Variants in LNX2 observed in about 807,000 individuals in gnomAD.
LNX2 encodes the protein ligand of numb-protein X 2, also known as ligand of Numb protein X 2.
LNX2 carries 35 observed loss-of-function variants against 66.2 expected under a neutral mutation model. The observed-to-expected ratio is 0.53, with a 90% CI of 0.40 to 0.70. The LOEUF is 0.70. LNX2 is among the 30% of genes least tolerant of loss of function. The probability of loss-of-function intolerance (pLI) is 0.00; values close to 1 mark genes in which losing one functional copy is unlikely to be tolerated. For synonymous variants in LNX2, 337 were observed against 315.6 expected, an observed-to-expected ratio of 1.07 and a Z score of -0.72; for missense variants, 791 against 850.8, an observed-to-expected ratio of 0.93 and a Z score of 0.87.
At chr13:27,554,157 C>T (rs551048044) in intron 7 of LNX2, among the ~76,000 whole-genome samples, 1 of 152,230 alleles carries the variant, frequency 6.6e-6, no homozygotes, top group African/African-American at 2.4e-5. Context: ...ATTATTAAAG[C>T]AAATCATTCT....
chr13:27,567,953 A>G (rs1955227061), intron 3 of LNX2, 114 bp from the exon 4 acceptor site: 1 of 820,116 alleles, frequency 1.2e-6, no homozygotes, highest in Admixed American at 2.1e-5. Context: ...CATGATTAAC[A>G]GCTAAGCAGT....
At chr13:27,576,878 ATT>A (rs780731270) in intron 2 of LNX2, among the ~76,000 whole-genome samples, 10 of 152,218 alleles carry the variant, frequency 6.6e-5, no homozygotes, top group Middle Eastern at 3.2e-3. Context: ...GTACATGTAA[ATT>A]TTTGTGACCT....
chr13:27,563,994 AT>A (rs1228902064), intron 4 of LNX2, among the ~76,000 whole-genome samples: 1 of 152,218 alleles, frequency 6.6e-6, no homozygotes, highest in Non-Finnish European at 1.5e-5. Flanking sequence ...GTTCTATTAT[AT>A]TTAGAAAGCA....
intron 2 of LNX2, among the ~76,000 whole-genome samples, chr13:27,569,477 TA>T (rs1228839053): frequency 5.3e-5 from 8 of 152,196 alleles, no homozygotes; most frequent in African/African-American, 1.9e-4. Context: ...ACAGAAGGAT[TA>T]GCATGAACAA....
At chr13:27,598,662 A>C (rs2138444912) in intron 1 of LNX2, among the ~76,000 whole-genome samples, 2 of 152,240 alleles carry the variant, frequency 1.3e-5, no homozygotes, top group South Asian at 4.1e-4. Context: ...CCAAGACCTA[A>C]AGCTAGTGAG....
At chr13:27,602,290 A>T (rs625437) in intron 1 of LNX2, among the ~76,000 whole-genome samples, 90,779 of 151,984 alleles carry the variant, frequency 0.6, 28,942 homozygotes, top group African/African-American at 0.83. Flanking sequence ...TGCTAAATGC[A>T]TACAACTATG....
intron 5 of LNX2, among the ~76,000 whole-genome samples, chr13:27,562,005 T>C (rs1357884647): frequency 1.3e-5 from 2 of 152,234 alleles, no homozygotes; most frequent in African/African-American, 4.8e-5. Flanking sequence ...ATTCTTCCTC[T>C]ATTTATATAG....
At chr13:27,569,329 A>G in intron 2 of LNX2, 53 bp from the exon 3 acceptor site, 2 of 1,571,556 alleles carry the variant, frequency 1.3e-6, no homozygotes, top group Non-Finnish European at 1.7e-6. Flanking sequence ...CAAACAAACA[A>G]ATAAAATAGG....
At chr13:27,574,065 T>C (rs1258648886) in intron 2 of LNX2, among the ~76,000 whole-genome samples, 1 of 151,830 alleles carries the variant, frequency 6.6e-6, no homozygotes, top group East Asian at 1.9e-4. Context: ...TAAAGAAAAA[T>C]ATGAGAATGA....
intron 7 of LNX2, among the ~76,000 whole-genome samples, chr13:27,554,099 C>T (rs1955033471): frequency 6.6e-6 from 1 of 152,192 alleles, no homozygotes; most frequent in Non-Finnish European, 1.5e-5. Context: ...ATTTGTGCTA[C>T]AAAGTCTACA....
intron 1 of LNX2, among the ~76,000 whole-genome samples, chr13:27,614,611 T>C (rs8002540): frequency 0.042 from 6,351 of 152,232 alleles, 167 homozygotes; most frequent in East Asian, 0.11. Context: ...TCTTTCTCTA[T>C]TGCAATTCCC....
chr13:27,601,018 C>T (rs965541499), intron 1 of LNX2, among the ~76,000 whole-genome samples: 2 of 152,182 alleles, frequency 1.3e-5, no homozygotes, highest in African/African-American at 4.8e-5. Context: ...TCAAACAACC[C>T]GGAAGAGTCT....
At chr13:27,576,845 C>T (rs555462844) in intron 2 of LNX2, among the ~76,000 whole-genome samples, 7 of 152,038 alleles carry the variant, frequency 4.6e-5, no homozygotes, top group Admixed American at 3.9e-4. Flanking sequence ...AGAGAGAAAA[C>T]TAGAAAACTC....
intron 7 of LNX2, among the ~76,000 whole-genome samples, 158 bp downstream of exon 7, chr13:27,556,078 C>CCT (rs1236638695): frequency 6.6e-6 from 1 of 152,110 alleles, no homozygotes; most frequent in Non-Finnish European, 1.5e-5. Flanking sequence ...ATTTTTCTAA[C>CCT]CTCATAGAAT....
At chr13:27,619,996 CAG>C (rs932297687) in intron 1 of LNX2, among the ~76,000 whole-genome samples, 2 of 152,112 alleles carry the variant, frequency 1.3e-5, no homozygotes, top group Admixed American at 6.5e-5. Context: ...CACACACACA[CAG>C]AGGAAATTTA....
Position 27,550,403 on chromosome 13 carries a change from G to A in LNX2, c.1867C>T (p.His623Tyr). 2 of 1,613,658 alleles carry A rather than the reference G, an allele frequency of 1.2e-6. No homozygotes were observed. Among genetic ancestry groups the A allele is most frequent in the East Asian group, 2.2e-5 (1 of 44,862 alleles). Reference protein sequence around the residue: ...FSIVGGYEENHTNQPFFIKTI... With the variant: ...FSIVGGYEENYTNQPFFIKTI... Reference sequence around the variant, plus strand: ...TTAATGAAAAAAGGCTGATTGGTGTGGTTCTCTTCATATCCACCAACGATA... The same window carrying A: ...TTAATGAAAAAAGGCTGATTGGTGTAGTTCTCTTCATATCCACCAACGATA... The change falls in exon 9 of 10, where the codon CAC (histidine) becomes TAC (tyrosine). Residue 623 changes from histidine (H) to tyrosine (Y), a missense_variant. By Grantham distance (83) the His-to-Tyr change is moderately conservative. Coordinates refer to ENST00000316334, the MANE Select transcript of LNX2 (RefSeq NM_153371.4).
rs2138302833 is a variant in LNX2 at position 27,548,356 on chromosome 13, A to G, written c.2052T>C (p.Cys684=). Residue 684 remains cysteine, a synonymous_variant, in exon 10 of 10, where the codon TGT becomes TGC. Coordinates refer to ENST00000316334, the MANE Select transcript of LNX2 (RefSeq NM_153371.4). ...QRNKVTLTVI[C]WPGSLV ...AAATCTATACAAGGCTGCCAGGCCA[A>G]CAAATAACGGTCAGAGTGACTTTGT... is the stretch of plus-strand genomic sequence containing the variant. 2 of 1,613,480 alleles carry G rather than the reference A, an allele frequency of 1.2e-6. No homozygotes were observed. Among genetic ancestry groups the G allele is most frequent in the East Asian group, 4.5e-5 (2 of 44,874 alleles).
chr13:27,552,928 G>A (rs528475845), intron 8 of LNX2, among the ~76,000 whole-genome samples: 25 of 152,306 alleles, frequency 1.6e-4, no homozygotes, highest in African/African-American at 6.0e-4. Context: ...GCTGGTAAAC[G>A]ACAACTTTTC....
chr13:27,583,227 T>TC (rs1955432150), intron 1 of LNX2, among the ~76,000 whole-genome samples: 1 of 19,694 alleles, frequency 5.1e-5, no homozygotes, highest in Non-Finnish European at 1.0e-4. Flanking sequence ...TGTGTGTGTG[T>TC]GTGTGTGTGT....
Sources: gnomAD v4.1 joint callset for allele counts (sites outside exome capture counted in the v4.1 genomes callset) on GRCh38, gnomAD v4.1.1 for gene constraint, MANE v1.5 for transcripts, NCBI Gene and HGNC (gene_info 2026-07-23, HGNC 2026-07-21) for gene names.